Variants in DNAH7 observed in about 807,000 individuals in gnomAD.
DNAH7 encodes the protein axonemal beta dynein heavy chain 7.
In DNAH7, 397 loss-of-function variants were observed where a neutral mutation model predicts 444.6. The ratio of observed to expected loss-of-function variants is 0.89; its 90% CI spans 0.82 to 0.97. The LOEUF is 0.97. Ranked by LOEUF, DNAH7 falls within the 50% of genes least tolerant of loss-of-function variation. DNAH7 has a pLI of 0.00. For missense variants in DNAH7, 4,902 were observed against 4,800.8 expected (o/e 1.02, Z -0.62); for synonymous variants, 1,636 against 1,624.4 (o/e 1.01, Z -0.17).
At chr2:195,744,573 AC>A (rs1225666207) in intron 63 of DNAH7, among the ~76,000 whole-genome samples, 2 of 152,058 alleles carry the variant, frequency 1.3e-5, no homozygotes, top group Non-Finnish European at 2.9e-5. Flanking sequence ...CTGACCCCTC[AC>A]CCCCGAGCAG....
At chr2:195,942,992 T>G (rs1042210748) in intron 19 of DNAH7, among the ~76,000 whole-genome samples, 5 of 151,996 alleles carry the variant, frequency 3.3e-5, no homozygotes, top group African/African-American at 4.8e-5. Context: ...ATCATCGGGG[T>G]GGGTTTTTCC....
intron 49 of DNAH7, among the ~76,000 whole-genome samples, chr2:195,820,972 G>T (rs1357424202): frequency 6.6e-6 from 1 of 152,132 alleles, no homozygotes; most frequent in African/African-American, 2.4e-5. Context: ...ACCTTGTGTG[G>T]ATTAGAAAAA....
chr2:195,835,269 C>T (rs973613130), intron 47 of DNAH7, among the ~76,000 whole-genome samples: 4 of 149,146 alleles, frequency 2.7e-5, no homozygotes, highest in East Asian at 3.9e-4. Flanking sequence ...ATGAGAAGTA[C>T]GACATTTTAA....
intron 24 of DNAH7, among the ~76,000 whole-genome samples, chr2:195,915,276 T>G (rs918403985): frequency 1.3e-5 from 2 of 152,086 alleles, no homozygotes; most frequent in African/African-American, 4.8e-5. Flanking sequence ...CTGTAAAAGG[T>G]GATGTTCCAA....
At chr2:195,965,729 C>T (rs537515724) in intron 17 of DNAH7, among the ~76,000 whole-genome samples, 7 of 151,956 alleles carry the variant, frequency 4.6e-5, no homozygotes, top group East Asian at 1.9e-4. Context: ...AGCATTTCCT[C>T]GAGATTTTCC....
At chr2:195,801,564 TTG>T (rs1473520786) in intron 54 of DNAH7, among the ~76,000 whole-genome samples, 3 of 152,262 alleles carry the variant, frequency 2.0e-5, no homozygotes, top group African/African-American at 4.8e-5. Context: ...AAGAATGGAA[TTG>T]TGTGTATATA....
chr2:195,865,507 T>C (rs1700276514), intron 40 of DNAH7, among the ~76,000 whole-genome samples: 1 of 152,226 alleles, frequency 6.6e-6, no homozygotes, highest in African/African-American at 2.4e-5. Flanking sequence ...ACAGGAAATG[T>C]CTTGGGTAGA....
At chr2:195,746,919 A>C (rs1372695752) in intron 63 of DNAH7, among the ~76,000 whole-genome samples, 2 of 152,066 alleles carry the variant, frequency 1.3e-5, no homozygotes, top group African/African-American at 2.4e-5. Context: ...TGACACCCTA[A>C]CATCACAATT....
intron 61 of DNAH7, 110 bp downstream of exon 61, chr2:195,771,550 C>G (rs1694840162): frequency 1.2e-6 from 1 of 802,034 alleles, no homozygotes; most frequent in South Asian, 1.8e-5. Context: ...TATTTATCCC[C>G]AGAACCCAAA....
chr2:196,042,906 C>T (rs1165770169), intron 5 of DNAH7, among the ~76,000 whole-genome samples: 1 of 152,130 alleles, frequency 6.6e-6, no homozygotes, highest in Non-Finnish European at 1.5e-5. Context: ...ATGTTCACAT[C>T]AGCATCATTC....
chr2:195,877,355 T>C (rs1406407618), intron 36 of DNAH7, among the ~76,000 whole-genome samples: 2 of 152,222 alleles, frequency 1.3e-5, no homozygotes, highest in South Asian at 4.1e-4. Flanking sequence ...ATTTTCTTAA[T>C]GAACAGTAAT....
intron 2 of DNAH7, among the ~76,000 whole-genome samples, chr2:196,054,207 G>A (rs1697661672): frequency 6.6e-6 from 1 of 152,182 alleles, no homozygotes; most frequent in South Asian, 2.1e-4. Flanking sequence ...CTTTGAAGAT[G>A]CATAGCATTC....
chr2:196,001,866 GA>G lies in DNAH7; in HGVS notation c.990-9del, dbSNP rs1423557263. ...TGCACTTCTGGAAACCACCTTGAAAGAACAAAAGACTTTTAAAAGTCAGTGC... is the reference window on the plus strand; with the variant it reads ...TGCACTTCTGGAAACCACCTTGAAAGACAAAAGACTTTTAAAAGTCAGTGC... On this transcript the variant is annotated splice_polypyrimidine_tract_variant and intron_variant, in intron 10 of 64. Coordinates refer to ENST00000312428, the MANE Select transcript of DNAH7 (RefSeq NM_018897.3). 11 of 1,591,886 alleles carry G rather than the reference GA, an allele frequency of 6.9e-6. No individual in the cohort carries two copies. The highest frequency in any genetic ancestry group is 9.4e-6 in the Non-Finnish European group (11 of 1,171,300).
chr2:195,916,952 A>T (rs896685139), intron 24 of DNAH7, among the ~76,000 whole-genome samples: 1 of 151,612 alleles, frequency 6.6e-6, no homozygotes, highest in African/African-American at 2.4e-5. Flanking sequence ...AATACAAAAA[A>T]TTAGCCAGGT....
At chr2:195,979,966 T>C (rs1430615191) in intron 15 of DNAH7, among the ~76,000 whole-genome samples, 1 of 139,964 alleles carries the variant, frequency 7.1e-6, no homozygotes, top group African/African-American at 2.7e-5. Context: ...AGTAACAAGA[T>C]CAAATCCATA....
chr2:195,880,988 C>G (rs972694786), intron 36 of DNAH7, among the ~76,000 whole-genome samples: 2 of 150,570 alleles, frequency 1.3e-5, no homozygotes, highest in Non-Finnish European at 2.9e-5. Context: ...TTTCTGTACA[C>G]TTTTAGTTTT....
rs1701864904 is a variant in DNAH7 at position 195,889,036 on chromosome 2, A to C, written c.5047-55T>G. The C allele has an allele frequency of 3.4e-6, 5 of 1,469,626 alleles. No homozygotes were observed. In the South Asian group the frequency reaches 6.3e-5, roughly 18 times the overall value. The allele number at this position is 1,469,626 out of a possible 1,614,324, so 91.0% of individuals were successfully genotyped here. A position where few individuals can be genotyped will look rare whatever the true frequency, so the allele number is the denominator to read the frequency against. Reference sequence around the variant, plus strand: ...AAAACGTAATGATGATAATATAAAGAAACAGTTCAATAATATTATTTCAAA... The same window carrying C: ...AAAACGTAATGATGATAATATAAAGCAACAGTTCAATAATATTATTTCAAA... On this transcript the variant is annotated intron_variant, in intron 31 of 64. Coordinates refer to ENST00000312428, the MANE Select transcript of DNAH7 (RefSeq NM_018897.3).
chr2:195,739,703 T>G (rs1463683107), intron 64 of DNAH7, among the ~76,000 whole-genome samples: 6 of 152,206 alleles, frequency 3.9e-5, no homozygotes, highest in Non-Finnish European at 5.9e-5. Flanking sequence ...ATTTCCAAAT[T>G]TGCCTACTCA....
At chr2:196,068,089 A>G (rs1271446736) in intron 1 of DNAH7, among the ~76,000 whole-genome samples, 5 of 152,378 alleles carry the variant, frequency 3.3e-5, no homozygotes, top group Admixed American at 1.3e-4. Context: ...CAGCTATTGC[A>G]AAGTGCATCT....
Sources: allele counts gnomAD v4.1 joint callset (sites outside exome capture counted in the v4.1 genomes callset), GRCh38; gene constraint gnomAD v4.1.1; transcripts MANE v1.5; gene names NCBI Gene and HGNC (gene_info 2026-07-23, HGNC 2026-07-21).